Variants in ABCB1 observed in about 807,000 individuals in gnomAD.
The protein encoded by ABCB1 is ATP binding cassette subfamily B member 1.
ABCB1 carries 69 observed loss-of-function variants against 142.0 expected under a neutral mutation model. That is an observed-to-expected ratio of 0.49 (90% CI 0.40 to 0.59). The LOEUF (loss-of-function observed/expected upper bound fraction) is 0.59. ABCB1 is among the 20% of genes least tolerant of loss of function. The pLI, the probability that ABCB1 is intolerant of heterozygous loss-of-function variation, is 0.00. For missense variants in ABCB1, 1,326 were observed against 1,554.7 expected (o/e 0.85, Z 2.47); for synonymous variants, 532 against 539.2 (o/e 0.99, Z 0.18).
intron 1 of ABCB1, among the ~76,000 whole-genome samples, chr7:87,641,434 A>T (rs866450392): frequency 1.5e-4 from 23 of 152,314 alleles, no homozygotes; most frequent in African/African-American, 5.1e-4. Flanking sequence ...AACCATGGTT[A>T]GTCTTGAACA....
At chr7:87,593,051 C>T (rs1399296981) in intron 3 of ABCB1, among the ~76,000 whole-genome samples, 4 of 152,100 alleles carry the variant, frequency 2.6e-5, no homozygotes, top group African/African-American at 4.8e-5. Flanking sequence ...CTCAGCCTCC[C>T]GAGTAGCTGA....
upstream of ABCB1, among the ~76,000 whole-genome samples, chr7:87,605,435 C>T (rs1255484269): frequency 1.3e-5 from 2 of 152,146 alleles, no homozygotes; most frequent in Non-Finnish European, 2.9e-5. Flanking sequence ...CGCCCAGCCT[C>T]CTCTATCAAC....
chr7:87,516,426 G>A, intron 24 of ABCB1, 83 bp downstream of exon 24: 1 of 1,564,702 alleles, frequency 6.4e-7, no homozygotes, highest in Non-Finnish European at 8.8e-7. Flanking sequence ...ATATTTGAAA[G>A]TACAAATTTT....
Position 87,515,394 on chromosome 7 carries a change from A to G in ABCB1, c.3119T>C (p.Val1040Ala), listed in dbSNP as rs201819590. The G allele has an allele frequency of 6.2e-6, 10 of 1,614,104 alleles. No homozygotes were observed. The highest frequency in any genetic ancestry group is 4.4e-5 in the South Asian group (4 of 91,080). ...CGGTCGGGTGGGATAGTTGAATACA[A>G]CTTCACCAAATGTGACATTTCCTTC... ...TLEGNVTFGE[V>A]VFNYPTRPDI... Residue 1040 changes from valine (V) to alanine (A), a missense_variant, in exon 25 of 28, where the codon GTT becomes GCT. Physicochemically the swap from Val to Ala is moderately conservative, Grantham distance 64. Transcript: ENST00000622132.
intron 1 of ABCB1, among the ~76,000 whole-genome samples, chr7:87,697,108 A>G (rs1278347800): frequency 6.6e-6 from 1 of 152,216 alleles, no homozygotes; most frequent in African/African-American, 2.4e-5. Context: ...ACCATGTCCT[A>G]TGCCAAAGTC....
chr7:87,578,687 ACTTT>A (rs1283551620), intron 4 of ABCB1, among the ~76,000 whole-genome samples: 3 of 136,012 alleles, frequency 2.2e-5, no homozygotes, highest in South Asian at 2.4e-4. Flanking sequence ...AAATGAGACT[ACTTT>A]CTTTTTTTTT....
In ABCB1 at chr7:87,544,815, C is replaced by T. The variant is rs1816699014; in HGVS notation, c.2064+8G>A. ...AGATTAAAACAAACTCCGCATCTCC[C>T]TTCATACCAGAGCCTCTTTGGTACT... On this transcript the variant is annotated splice_region_variant and intron_variant, in intron 16 of 27. Transcript: ENST00000622132. 6.2e-7 allele frequency: 1 copy of T among 1,613,958 alleles called. No homozygotes were observed. The highest frequency in any genetic ancestry group is 1.1e-5 in the South Asian group (1 of 91,080).
chr7:87,560,110 C>A (rs918225239), intron 8 of ABCB1, among the ~76,000 whole-genome samples: 14 of 152,040 alleles, frequency 9.2e-5, no homozygotes, highest in Non-Finnish European at 2.1e-4. Flanking sequence ...GTAACCTTAC[C>A]ACCCCCATTA....
At position 87,702,153 on chromosome 7, in the gene ABCB1, A is replaced by C. The variant is rs1177662402; in HGVS notation, c.-331+11008T>G. On this transcript the variant is annotated intron_variant, in intron 1 of 28. Coordinates refer to the ABCB1 transcript ENST00000265724. ...GCGAGACTCTGTCTCAAAAAAAAAAAAAAAAAAAAAAAAAAAAAACAGAGA... is the reference window on the plus strand; with the variant it reads ...GCGAGACTCTGTCTCAAAAAAAAAACAAAAAAAAAAAAAAAAAAACAGAGA... Among the ~76,000 whole-genome samples, 3 of 148,378 alleles carry C rather than the reference A, an allele frequency of 2.0e-5. No homozygotes were observed. In the East Asian group the frequency reaches 5.9e-4, roughly 29 times the overall value.
intron 7 of ABCB1, among the ~76,000 whole-genome samples, chr7:87,562,097 T>G (rs1379346343): frequency 6.6e-6 from 1 of 152,226 alleles, no homozygotes; most frequent in East Asian, 1.9e-4. Context: ...CTCATTTATG[T>G]AAGTAACATT....
chr7:87,627,699 G>A (rs970766180), intron 1 of ABCB1: 2 of 152,336 alleles, frequency 1.3e-5, no homozygotes, highest in African/African-American at 4.8e-5. Flanking sequence ...GAGCAGCCCA[G>A]CTGGACCGAG....
intron 1 of ABCB1, among the ~76,000 whole-genome samples, chr7:87,608,191 A>G (rs1819725573): frequency 6.6e-6 from 1 of 152,190 alleles, no homozygotes; most frequent in South Asian, 2.1e-4. Flanking sequence ...CACCAAACAG[A>G]TTGGGTTTAA....
In ABCB1 at chr7:87,626,009, C is replaced by CATAT. The variant is rs775649461; in HGVS notation, c.-330-24935_-330-24932dup. ...ATATGTACATATATATGTATATGTA[C>CATAT]ATATATATATATATAGAGAGAGAGA... On this transcript the variant is annotated intron_variant, in intron 1 of 28. Transcript: ENST00000265724. Among the ~76,000 whole-genome samples, 579 of 112,098 alleles carry CATAT rather than the reference C, an allele frequency of 5.2e-3. 6 individuals are homozygous for CATAT. The highest frequency in any genetic ancestry group is 0.019 in the African/African-American group (535 of 27,530). 73.5% of individuals were successfully genotyped at this position (112,098 alleles called of 152,430 possible).
At position 87,550,162 on chromosome 7, in the gene ABCB1, T is replaced by A; in HGVS notation, c.1350+9A>T. On this transcript the variant is annotated intron_variant, in intron 12 of 27. Coordinates refer to ENST00000622132, the MANE Select transcript of ABCB1 (RefSeq NM_001348946.2). ...CACCGCAGGGTCTAGCTCGCATGGG[T>A]CATCTCACCATCCCCTCTGTGGGGT... The A allele has an allele frequency of 1.2e-6, 2 of 1,614,168 alleles. No homozygotes were observed. Among genetic ancestry groups the A allele is most frequent in the Non-Finnish European group, 1.7e-6 (2 of 1,180,040 alleles).
chr7:87,654,054 T>C (rs1823837985), intron 1 of ABCB1, among the ~76,000 whole-genome samples: 1 of 152,072 alleles, frequency 6.6e-6, no homozygotes, highest in East Asian at 1.9e-4. Context: ...GTATTTTTTT[T>C]CTTCTTTTTC....
chr7:87,703,915 T>TTTTTTTTTTTTTTTTTTTTTTTTTTTG (rs1563147558), intron 1 of ABCB1, among the ~76,000 whole-genome samples: 2 of 18,530 alleles, frequency 1.1e-4, no homozygotes, highest in African/African-American at 2.1e-4. Flanking sequence ...TTTTTTTTGG[T>TTTTTTTTTTTTTTTTTTTTTTTTTTTG]TTTTTTTTTT....
At position 87,694,059 on chromosome 7, in the gene ABCB1, A is replaced by G; in HGVS notation, c.-331+19102T>C. The G allele has an allele frequency of 1.0e-5, 16 of 1,534,320 alleles. No homozygotes were observed. The South Asian group carries it at 2.1e-4, about 20-fold the overall frequency. On this transcript the variant is annotated intron_variant, in intron 1 of 28. Coordinates refer to the ABCB1 transcript ENST00000265724. ...TCAGTTAAGTGATCTTTTTTAGTAC[A>G]TTGCATGGGTTTTGTAAAGCCTTCT...
intron 1 of ABCB1, among the ~76,000 whole-genome samples, chr7:87,643,769 T>C (rs1014997682): frequency 2.0e-5 from 3 of 151,868 alleles, no homozygotes; most frequent in Non-Finnish European, 4.4e-5. Context: ...TCAGGCAATC[T>C]GCCTGCCTCA....
chr7:87,620,565 G>T (rs530261456), intron 1 of ABCB1, among the ~76,000 whole-genome samples: 225 of 152,232 alleles, frequency 1.5e-3, no homozygotes, highest in African/African-American at 5.3e-3. Context: ...CGTGGAATTG[G>T]TATTCCAGTA....
Sources: allele counts gnomAD v4.1 joint callset (sites outside exome capture counted in the v4.1 genomes callset), GRCh38; gene constraint gnomAD v4.1.1; transcripts MANE v1.5; gene names NCBI Gene and HGNC (gene_info 2026-07-23, HGNC 2026-07-21).